Variants in SRGAP3 observed in about 807,000 individuals in gnomAD.
SRGAP3 encodes SLIT-ROBO Rho GTPase-activating protein 3.
SRGAP3 carries 39 observed loss-of-function variants against 121.1 expected under a neutral mutation model. That is an observed-to-expected ratio of 0.32 (90% CI 0.25 to 0.42). The LOEUF is 0.42. SRGAP3 is among the 10% of genes least tolerant of loss of function. The pLI is 1.00. For synonymous variants in SRGAP3, 601 were observed against 570.0 expected (o/e 1.05, Z -0.77); for missense variants, 1,213 against 1,470.6 (o/e 0.82, Z 2.86).
intron 4 of SRGAP3, among the ~76,000 whole-genome samples, chr3:9,075,228 T>C (rs973721934): frequency 6.6e-6 from 1 of 151,786 alleles, no homozygotes; most frequent in African/African-American, 2.4e-5. Flanking sequence ...CTATATTGTG[T>C]TGGGCTGATG....
chr3:9,326,798 A>G (rs1440469630), intron 2 of SRGAP3, among the ~76,000 whole-genome samples: 1 of 151,886 alleles, frequency 6.6e-6, no homozygotes, highest in Non-Finnish European at 1.5e-5. Context: ...GGTTTAAAAC[A>G]TTGGATATTA....
At chr3:9,278,998 G>A (rs1954631082) in intron 3 of SRGAP3, among the ~76,000 whole-genome samples, 1 of 152,076 alleles carries the variant, frequency 6.6e-6, no homozygotes, top group Admixed American at 6.5e-5. Context: ...CCCTGGCCGG[G>A]CGTGGTGGTG....
At chr3:9,316,478 G>A (rs925965472) in intron 3 of SRGAP3, among the ~76,000 whole-genome samples, 5 of 149,722 alleles carry the variant, frequency 3.3e-5, no homozygotes, top group Admixed American at 6.7e-5. Flanking sequence ...CCAACATGGT[G>A]AAACCCCGTC....
intron 1 of SRGAP3, among the ~76,000 whole-genome samples, chr3:9,143,134 T>C (rs529586133): frequency 6.6e-6 from 1 of 152,232 alleles, no homozygotes; most frequent in Non-Finnish European, 1.5e-5. Context: ...GCCACCATGC[T>C]TAGCCTCAAT....
intron 1 of SRGAP3, among the ~76,000 whole-genome samples, chr3:9,127,983 T>G (rs1438689270): frequency 6.6e-6 from 1 of 151,570 alleles, no homozygotes; most frequent in Non-Finnish European, 1.5e-5. Context: ...AAATACAGAA[T>G]CATCCAAACT....
At chr3:9,148,842 G>A (rs1026590608) in intron 1 of SRGAP3, among the ~76,000 whole-genome samples, 1 of 152,170 alleles carries the variant, frequency 6.6e-6, no homozygotes, top group Non-Finnish European at 1.5e-5. Flanking sequence ...CCCCAAACCT[G>A]AGAGTGGGCT....
At chr3:9,221,662 A>C (rs1018010556) in intron 1 of SRGAP3, among the ~76,000 whole-genome samples, 22 of 151,974 alleles carry the variant, frequency 1.4e-4, no homozygotes, top group African/African-American at 5.3e-4. Context: ...GGCTCTGTCC[A>C]TGCTGATCTC....
intron 1 of SRGAP3, among the ~76,000 whole-genome samples, chr3:9,215,421 A>T (rs1175050965): frequency 6.6e-6 from 1 of 152,156 alleles, no homozygotes; most frequent in Non-Finnish European, 1.5e-5. Context: ...GTATTTGAAC[A>T]CAGACCTCTG....
intron 1 of SRGAP3, among the ~76,000 whole-genome samples, chr3:9,241,971 G>A (rs1010814373): frequency 6.6e-6 from 1 of 151,584 alleles, no homozygotes; most frequent in Non-Finnish European, 1.5e-5. Flanking sequence ...CCAGCTACTC[G>A]GGAGGCTGAG....
intron 12 of SRGAP3, among the ~76,000 whole-genome samples, chr3:9,032,236 A>G (rs1367392250): frequency 6.6e-6 from 1 of 152,226 alleles, no homozygotes; most frequent in Admixed American, 6.5e-5. Flanking sequence ...TGATACCCAC[A>G]GGGATTTCCT....
chr3:9,030,862 T>C (rs1428825425), intron 12 of SRGAP3, among the ~76,000 whole-genome samples: 1 of 152,196 alleles, frequency 6.6e-6, no homozygotes, highest in Non-Finnish European at 1.5e-5. Context: ...TTCTGTCCTT[T>C]CATTCTCCTC....
chr3:9,345,625 A>G (rs1443200573), intron 1 of SRGAP3, among the ~76,000 whole-genome samples: 1 of 151,944 alleles, frequency 6.6e-6, no homozygotes, highest in Non-Finnish European at 1.5e-5. Flanking sequence ...CTCTACTAAA[A>G]ATGCAAAAAA....
chr3:9,178,673 G>A (rs898800138), intron 1 of SRGAP3, among the ~76,000 whole-genome samples: 3 of 152,198 alleles, frequency 2.0e-5, no homozygotes, highest in African/African-American at 2.4e-5. Flanking sequence ...TGCTCCTGCA[G>A]CAGGCTGACG....
At position 9,010,335 on chromosome 3, in the gene SRGAP3, C is replaced by T; in HGVS notation, c.2200G>A (p.Gly734Ser). The stretch of plus-strand genomic sequence containing the variant: ...TCATCGCTGGTATGAGGCTCAGTGC[C>T]ATTGTCATGGTCAACTTCATCGATG... ...GAIDEVDHDN[G>S]TEPHTSDEEV... The change falls in exon 18 of 22, where the codon GGC becomes AGC. Residue 734 changes from glycine to serine, a missense_variant. Physicochemically the swap from Gly to Ser is moderately conservative, Grantham distance 56. Transcript: ENST00000383836. 1 of 1,614,136 alleles carries T rather than the reference C, an allele frequency of 6.2e-7. No individual in the cohort carries two copies.
intron 1 of SRGAP3, among the ~76,000 whole-genome samples, chr3:9,180,921 T>A (rs1343171127): frequency 1.3e-5 from 2 of 152,080 alleles, no homozygotes; most frequent in African/African-American, 4.8e-5. Flanking sequence ...AAGCTCACAG[T>A]CTCACCAGAA....
intron 2 of SRGAP3, among the ~76,000 whole-genome samples, chr3:9,330,329 C>T (rs185268469): frequency 2.0e-5 from 3 of 152,260 alleles, no homozygotes; most frequent in African/African-American, 7.2e-5. Context: ...CCAGTTAATT[C>T]CCAGATCAAA....
intron 1 of SRGAP3, among the ~76,000 whole-genome samples, chr3:9,352,290 T>C (rs2030219991): frequency 6.8e-6 from 1 of 146,282 alleles, no homozygotes; most frequent in African/African-American, 2.7e-5. Flanking sequence ...TTTTTTTTTT[T>C]TGAGATGGAG....
intron 1 of SRGAP3, among the ~76,000 whole-genome samples, chr3:9,351,881 G>T (rs1041948714): frequency 6.6e-6 from 1 of 152,180 alleles, no homozygotes; most frequent in Non-Finnish European, 1.5e-5. Context: ...ATGGAAGGGT[G>T]AGGGAGCAGT....
intron 1 of SRGAP3, among the ~76,000 whole-genome samples, chr3:9,131,292 G>A (rs1437826190): frequency 6.6e-6 from 1 of 152,058 alleles, no homozygotes; most frequent in Non-Finnish European, 1.5e-5. Flanking sequence ...AAAGGGGGAT[G>A]TGGCAAGGAG....
Sources: gnomAD v4.1 joint callset for allele counts (sites outside exome capture counted in the v4.1 genomes callset) on GRCh38, gnomAD v4.1.1 for gene constraint, MANE v1.5 for transcripts, NCBI Gene and HGNC (gene_info 2026-07-23, HGNC 2026-07-21) for gene names.